The following NRXN1 variants were observed in gnomAD, a reference collection of about 807,000 sequenced individuals.
NRXN1 encodes neurexin-1.
A neutral mutation model predicts 150.9 loss-of-function variants in NRXN1; 39 were observed. That is an observed-to-expected ratio of 0.26 (90% CI 0.20 to 0.34). The LOEUF (loss-of-function observed/expected upper bound fraction) is 0.34, where lower values mean the gene tolerates loss of function less well. NRXN1 is among the 10% of genes least tolerant of loss of function. The pLI, the probability that NRXN1 is intolerant of heterozygous loss-of-function variation, is 1.00. For missense variants in NRXN1, 1,815 were observed against 1,949.9 expected (o/e 0.93, Z 1.30); for synonymous variants, 924 against 757.0 (o/e 1.22, Z -3.62).
chr2:50,591,968 A>G (rs1674341741), intron 8 of NRXN1, among the ~76,000 whole-genome samples: 1 of 152,166 alleles, frequency 6.6e-6, no homozygotes, highest in Non-Finnish European at 1.5e-5. Flanking sequence ...GACCTTGGTT[A>G]AGCAAGCCTC....
chr2:50,922,771 G>T, intron 3 of NRXN1, 84 bp from the exon 4 acceptor site: 1 of 1,289,042 alleles, frequency 7.8e-7, no homozygotes, highest in South Asian at 1.3e-5. Flanking sequence ...AATGTTCAGT[G>T]ACAGACATCT....
At chr2:50,423,615 C>T (rs1234125622) in intron 17 of NRXN1, among the ~76,000 whole-genome samples, 1 of 151,650 alleles carries the variant, frequency 6.6e-6, no homozygotes, top group Non-Finnish European at 1.5e-5. Context: ...CTTTATTGAT[C>T]CCCTACATAT....
chr2:50,201,846 A>G (rs1396947988), intron 18 of NRXN1, among the ~76,000 whole-genome samples: 3 of 152,192 alleles, frequency 2.0e-5, no homozygotes, highest in African/African-American at 7.2e-5. Flanking sequence ...CTTCCAAGGT[A>G]GTGCACTTAC....
intron 17 of NRXN1, among the ~76,000 whole-genome samples, chr2:50,459,756 T>C (rs1177309808): frequency 6.6e-6 from 1 of 152,138 alleles, no homozygotes; most frequent in East Asian, 1.9e-4. Flanking sequence ...TTGTGCAAGG[T>C]TCTGATAATT....
At chr2:50,070,831 C>T (rs562073492) in intron 19 of NRXN1, among the ~76,000 whole-genome samples, 238 of 150,156 alleles carry the variant, frequency 1.6e-3, no homozygotes, top group Non-Finnish European at 2.8e-3. Context: ...GTAGAGATCA[C>T]CAATTAAAAC....
At chr2:50,381,351 G>A (rs2080945280) in intron 17 of NRXN1, among the ~76,000 whole-genome samples, 1 of 151,908 alleles carries the variant, frequency 6.6e-6, no homozygotes, top group African/African-American at 2.4e-5. Context: ...AGGAATGGGT[G>A]GCAGAAGAGG....
At chr2:50,939,439 A>G (rs990173452) in intron 2 of NRXN1, among the ~76,000 whole-genome samples, 4 of 151,982 alleles carry the variant, frequency 2.6e-5, no homozygotes, top group Non-Finnish European at 4.4e-5. Context: ...GAATTTTAAT[A>G]GATTTATGAT....
intron 17 of NRXN1, among the ~76,000 whole-genome samples, chr2:50,364,987 C>A (rs2079486560): frequency 6.6e-6 from 1 of 152,028 alleles, no homozygotes; most frequent in Admixed American, 6.6e-5. Context: ...AAAAGAAAAA[C>A]CAAACTTCCT....
intron 8 of NRXN1, among the ~76,000 whole-genome samples, chr2:50,595,910 G>C (rs1290256437): frequency 1.3e-5 from 2 of 152,176 alleles, no homozygotes; most frequent in African/African-American, 2.4e-5. Flanking sequence ...AATAAACACT[G>C]TGTTATAGAG....
At chr2:50,763,821 C>T (rs895976956) in intron 5 of NRXN1, among the ~76,000 whole-genome samples, 44 of 151,818 alleles carry the variant, frequency 2.9e-4, no homozygotes, top group African/African-American at 1.0e-3. Flanking sequence ...TTGCCTCCAC[C>T]GAATAATTTT....
chr2:50,451,366 A>C (rs1258789097), intron 17 of NRXN1, among the ~76,000 whole-genome samples: 2 of 152,212 alleles, frequency 1.3e-5, no homozygotes, highest in African/African-American at 4.8e-5. Flanking sequence ...TCCATTTTCT[A>C]CTTCACAAAA....
chr2:49,970,775 G>T (rs1677810366), intron 21 of NRXN1, among the ~76,000 whole-genome samples: 1 of 152,034 alleles, frequency 6.6e-6, no homozygotes, highest in Non-Finnish European at 1.5e-5. Context: ...AAAGATTATT[G>T]TTTATGTCTT....
intron 21 of NRXN1, among the ~76,000 whole-genome samples, chr2:50,043,361 T>C (rs929262522): frequency 6.6e-6 from 1 of 152,168 alleles, no homozygotes; most frequent in Admixed American, 6.5e-5. Flanking sequence ...TTCTATCTTG[T>C]ATTAGATTGC....
intron 18 of NRXN1, among the ~76,000 whole-genome samples, chr2:50,093,328 T>C (rs946460213): frequency 6.6e-6 from 1 of 152,002 alleles, no homozygotes; most frequent in East Asian, 1.9e-4. Flanking sequence ...GCTATTAAAA[T>C]TACCCAGCCA....
intron 2 of NRXN1, among the ~76,000 whole-genome samples, chr2:50,992,989 G>C (rs1166516338): frequency 6.6e-6 from 1 of 151,920 alleles, no homozygotes; most frequent in African/African-American, 2.4e-5. Context: ...ATCACCAAAA[G>C]CTATGGACTA....
At chr2:49,922,422 C>G (rs1413211464) in intron 22 of NRXN1, among the ~76,000 whole-genome samples, 171 bp from the exon 23 acceptor site, 2 of 152,144 alleles carry the variant, frequency 1.3e-5, no homozygotes, top group African/African-American at 4.8e-5. Flanking sequence ...AAACTAGGGA[C>G]TGTGATTTAA....
chr2:50,922,695 G>T lies in NRXN1; in HGVS notation c.791-8C>A. 1 of 1,610,140 alleles carries T rather than the reference G, an allele frequency of 6.2e-7. No individual in the cohort carries two copies. Among genetic ancestry groups the T allele is most frequent in the East Asian group, 2.2e-5 (1 of 44,510 alleles). On this transcript the variant is annotated splice_region_variant and splice_polypyrimidine_tract_variant and intron_variant, in intron 3 of 22. Transcript: ENST00000401669. ...TCATCAGGTGCGCCAGACCTTGAAG[G>T]GAAACAAGAGCACAGTCAGCAATAA...
chr2:49,940,915 T>C (rs1035295654), intron 22 of NRXN1, among the ~76,000 whole-genome samples: 8 of 152,072 alleles, frequency 5.3e-5, no homozygotes, highest in Non-Finnish European at 1.2e-4. Flanking sequence ...TTAACAGGAA[T>C]TGATGAATTG....
At chr2:50,156,367 G>A (rs1450878373) in intron 18 of NRXN1, among the ~76,000 whole-genome samples, 1 of 151,858 alleles carries the variant, frequency 6.6e-6, no homozygotes, top group Non-Finnish European at 1.5e-5. Flanking sequence ...TAGCGTGCCT[G>A]TGTTTTAGGT....
Sources: gnomAD v4.1 joint callset for allele counts (sites outside exome capture counted in the v4.1 genomes callset) on GRCh38, gnomAD v4.1.1 for gene constraint, MANE v1.5 for transcripts, NCBI Gene and HGNC (gene_info 2026-07-23, HGNC 2026-07-21) for gene names.